CDON: variants seen among roughly 807,000 people sequenced by gnomAD.
CDON encodes cell adhesion molecule-related/down-regulated by oncogenes.
In CDON, 73 loss-of-function variants were observed where a neutral mutation model predicts 120.9. The ratio of observed to expected loss-of-function variants is 0.60; its 90% confidence interval spans 0.50 to 0.73. CDON has a LOEUF of 0.73. Among genes scored for constraint, CDON ranks in the 30% least tolerant of loss-of-function variants. The pLI, the probability that CDON is intolerant of heterozygous loss-of-function variation, is 0.00. For missense variants in CDON, 1,470 were observed against 1,587.3 expected, an observed-to-expected ratio of 0.93 and a Z score of 1.26; for synonymous variants, 566 against 573.5, an observed-to-expected ratio of 0.99 and a Z score of 0.19.
intron 8 of CDON, among the ~76,000 whole-genome samples, chr11:126,009,298 T>C (rs767641334): frequency 6.6e-6 from 1 of 152,194 alleles, no homozygotes; most frequent in Non-Finnish European, 1.5e-5. Flanking sequence ...ACATACGAAC[T>C]CTTTTTTATT....
intron 1 of CDON, among the ~76,000 whole-genome samples, chr11:126,028,708 A>AT (rs147769097): frequency 5.9e-5 from 2 of 33,872 alleles, no homozygotes; most frequent in Non-Finnish European, 9.6e-5. Context: ...GCTGCGGAGA[A>AT]TTTATTTATT....
chr11:125,961,628 A>G lies in CDON; in HGVS notation c.3631+96T>C, dbSNP rs763321021. On this transcript the variant is annotated intron_variant, in intron 19 of 19. Coordinates refer to ENST00000531738, the MANE Select transcript of CDON (RefSeq NM_001378964.1). ...CTCCCAAGAAATATGTAAACTAATC[A>G]TAGAGGGGAAACTCTGAAAGCATCA... 4 of 1,538,482 alleles carry G rather than the reference A, an allele frequency of 2.6e-6. No homozygotes were observed. In the South Asian group the frequency reaches 3.5e-5, roughly 13 times the overall value.
chr11:126,053,514 G>A (rs1408689468), intron 1 of CDON, among the ~76,000 whole-genome samples: 2 of 152,068 alleles, frequency 1.3e-5, no homozygotes, highest in Non-Finnish European at 1.5e-5. Context: ...CGCTCTGATC[G>A]GTCATCTGAT....
intron 1 of CDON, among the ~76,000 whole-genome samples, chr11:126,050,879 T>C (rs529427102): frequency 1.6e-4 from 24 of 152,256 alleles, no homozygotes; most frequent in Admixed American, 1.5e-3. Flanking sequence ...TCTGACACCA[T>C]ATTAGTTACT....
At chr11:126,013,904 C>T (rs897261425) in intron 7 of CDON, among the ~76,000 whole-genome samples, 24 of 152,036 alleles carry the variant, frequency 1.6e-4, no homozygotes, top group African/African-American at 5.6e-4. Flanking sequence ...CCACAGAAGG[C>T]TATAAATTTC....
intron 1 of CDON, among the ~76,000 whole-genome samples, chr11:126,051,740 C>T (rs1413290869): frequency 1.3e-5 from 2 of 151,480 alleles, no homozygotes; most frequent in Admixed American, 6.6e-5. Context: ...CTCTGCCTCC[C>T]GAGTTCAAGC....
In CDON at chr11:126,012,476, A is replaced by G. The variant is rs1439209089; in HGVS notation, c.1199-1782T>C. Among the ~76,000 whole-genome samples, 8 of 151,602 alleles carry G rather than the reference A, an allele frequency of 5.3e-5. No individual in the cohort carries two copies. The East Asian group carries it at 1.6e-3, about 30-fold the overall frequency. ...GAGTGCAGTAGTGCGATCTCAGCTCACTGCAACCTCCACCTCCCGGGTTCT... is the reference window on the plus strand; with the variant it reads ...GAGTGCAGTAGTGCGATCTCAGCTCGCTGCAACCTCCACCTCCCGGGTTCT... On this transcript the variant is annotated intron_variant, in intron 7 of 19. Coordinates refer to ENST00000531738, the MANE Select transcript of CDON (RefSeq NM_001378964.1).
At chr11:125,974,386 AAGGAAGGGAGGGAGGGAGGGAGGG>A (rs1161090129) in intron 18 of CDON, among the ~76,000 whole-genome samples, 97 of 29,656 alleles carry the variant, frequency 3.3e-3, no homozygotes, top group Non-Finnish European at 4.6e-3. Context: ...GGAAGGAAGG[AAGGAAGGGAGGGAGGGAGGGAGGG>A]AGGGAGGGAG....
intron 13 of CDON, 32 bp downstream of exon 13, chr11:125,994,839 A>G: frequency 6.3e-7 from 1 of 1,591,730 alleles, no homozygotes; most frequent in South Asian, 1.1e-5. Flanking sequence ...TGACCAAACC[A>G]CAAAATCTCA....
chr11:126,012,835 C>T (rs1033131129), intron 7 of CDON, among the ~76,000 whole-genome samples: 3 of 152,132 alleles, frequency 2.0e-5, no homozygotes, highest in African/African-American at 7.2e-5. Context: ...TTGGGATAGC[C>T]CATGTTGACA....
chr11:126,030,775 T>C (rs1220025758), intron 1 of CDON, among the ~76,000 whole-genome samples: 3 of 152,200 alleles, frequency 2.0e-5, no homozygotes, highest in Admixed American at 6.5e-5. Flanking sequence ...AAATATAGTA[T>C]ATACTGTTTT....
chr11:125,983,391 T>C (rs1321276551), intron 16 of CDON, among the ~76,000 whole-genome samples: 2 of 152,128 alleles, frequency 1.3e-5, no homozygotes, highest in African/African-American at 2.4e-5. Context: ...CAGTCTTGAG[T>C]CCATCAGGTA....
Position 126,017,172 on chromosome 11 carries a change from G to C in CDON, c.844C>G (p.Pro282Ala). The C allele has an allele frequency of 6.2e-7, 1 of 1,614,114 alleles. No individual in the cohort carries two copies. Among genetic ancestry groups the C allele is most frequent in the Admixed American group, 1.7e-5 (1 of 60,018 alleles). Residue 282 changes from proline to alanine, a missense_variant, in exon 6 of 20, where the codon CCG becomes GCG. Physicochemically the swap from Pro to Ala is conservative, Grantham distance 27. Transcript: ENST00000531738. Reference sequence around the variant, plus strand: ...CAGGAATAGTTTCCGGAGTCCGCCGGGTCAACGCTATCAGTGGCAAGATGA... The same window carrying C: ...CAGGAATAGTTTCCGGAGTCCGCCGCGTCAACGCTATCAGTGGCAAGATGA... ...YSHLATDSVD[P>A]ADSGNYSCMA...
intron 18 of CDON, among the ~76,000 whole-genome samples, chr11:125,969,508 T>C (rs949816474): frequency 3.9e-5 from 6 of 152,266 alleles, no homozygotes; most frequent in Non-Finnish European, 8.8e-5. Context: ...AAATAGTTTG[T>C]AACTTCACTA....
chr11:126,056,555 A>G (rs561124482), intron 1 of CDON, among the ~76,000 whole-genome samples: 1 of 152,342 alleles, frequency 6.6e-6, no homozygotes, highest in East Asian at 1.9e-4. Context: ...TCCTTAATCA[A>G]CATTTCCAAT....
At chr11:126,044,781 A>G (rs1163628293) in intron 1 of CDON, among the ~76,000 whole-genome samples, 1 of 152,132 alleles carries the variant, frequency 6.6e-6, no homozygotes, top group East Asian at 1.9e-4. Context: ...GGGGATGGCT[A>G]ATGGGTACAA....
intron 8 of CDON, 45 bp downstream of exon 8, chr11:126,010,296 A>G (rs1282849170): frequency 9.4e-6 from 12 of 1,274,888 alleles, no homozygotes; most frequent in Admixed American, 2.0e-5. Flanking sequence ...CTTCTATTAT[A>G]AAAGGAAATT....
chr11:125,986,885 C>T (rs1181113691), intron 15 of CDON, among the ~76,000 whole-genome samples: 1 of 117,386 alleles, frequency 8.5e-6, no homozygotes, highest in African/African-American at 3.5e-5. Context: ...GAAAAGAAGT[C>T]ATCTTTCAAG....
At position 125,963,940 on chromosome 11, in the gene CDON, T is replaced by C. The variant is rs532630736; in HGVS notation, c.3357-1942A>G. ...TCAGAGCACTGGTCTAGATGTGTCATGACTACAGAAGAGTACAGCATTCCC... is the reference window on the plus strand; with the variant it reads ...TCAGAGCACTGGTCTAGATGTGTCACGACTACAGAAGAGTACAGCATTCCC... On this transcript the variant is annotated intron_variant, in intron 18 of 19. Coordinates refer to ENST00000531738, the MANE Select transcript of CDON (RefSeq NM_001378964.1). Among the ~76,000 whole-genome samples the C allele has an allele frequency of 2.0e-5, 3 of 152,340 alleles. No individual in the cohort carries two copies. In the South Asian group the frequency reaches 6.2e-4, roughly 32 times the overall value.
Sources: gnomAD v4.1 joint callset for allele counts (sites outside exome capture counted in the v4.1 genomes callset) on GRCh38, gnomAD v4.1.1 for gene constraint, MANE v1.5 for transcripts, NCBI Gene and HGNC (gene_info 2026-07-23, HGNC 2026-07-21) for gene names.